The following MME variants were observed in gnomAD, a reference collection of about 807,000 sequenced individuals.
The protein encoded by MME is membrane metalloendopeptidase, also known as neprilysin.
MME carries 98 observed loss-of-function variants against 113.2 expected under a neutral mutation model. The observed-to-expected ratio is 0.87, with a 90% CI of 0.74 to 1.02. MME has a LOEUF of 1.02. Among genes scored for constraint, MME ranks in the 50% least tolerant of loss-of-function variants. The pLI is 0.00. For missense variants in MME, 836 were observed against 896.0 expected, an observed-to-expected ratio of 0.93 and a Z score of 0.86; for synonymous variants, 292 against 300.6, an observed-to-expected ratio of 0.97 and a Z score of 0.30.
At position 155,084,233 on chromosome 3, in the gene MME, G is replaced by C. The variant is rs141402067; in HGVS notation, c.66G>C (p.Gln22His). 43 of 1,613,976 alleles carry C rather than the reference G, an allele frequency of 2.7e-5. No individual in the cohort carries two copies. Among genetic ancestry groups the C allele is most frequent in the Non-Finnish European group, 3.4e-5 (40 of 1,179,984 alleles). ...ACACTCCAAAGCCAAAGAAGAAACA[G>C]CGATGGACTCCACTGGAGATCAGCC... ...DINTPKPKKK[Q>H]RWTPLEISLS... Residue 22 changes from glutamine to histidine, a missense_variant, in exon 2 of 23, where the codon CAG becomes CAC. Gln to His is a conservative substitution (Grantham distance 24). Transcript: ENST00000360490.
chr3:155,073,056 T>C (rs1714632773), intron 1 of MME, among the ~76,000 whole-genome samples: 1 of 152,222 alleles, frequency 6.6e-6, no homozygotes. Flanking sequence ...AATCCATTTT[T>C]ATCACTACCG....
chr3:155,085,317 G>C (rs1715586248), intron 3 of MME: 2 of 383,090 alleles, frequency 5.2e-6, no homozygotes, highest in Admixed American at 8.4e-5. Context: ...GGGCTGTATA[G>C]CAGGGCAATA....
chr3:155,072,685 T>C (rs1714620944), intron 1 of MME, among the ~76,000 whole-genome samples: 1 of 152,194 alleles, frequency 6.6e-6, no homozygotes, highest in African/African-American at 2.4e-5. Flanking sequence ...CAATGGACTT[T>C]TGTATTGTTT....
chr3:155,163,896 A>G (rs1722893725), intron 17 of MME, among the ~76,000 whole-genome samples: 1 of 152,100 alleles, frequency 6.6e-6, no homozygotes, highest in African/African-American at 2.4e-5. Context: ...TAATCCCAGT[A>G]GTTTGGAAAG....
At chr3:155,153,015 C>A (rs1387374726) in intron 16 of MME, among the ~76,000 whole-genome samples, 3 of 151,682 alleles carry the variant, frequency 2.0e-5, no homozygotes, top group Non-Finnish European at 4.4e-5. Context: ...GAGTGGCTGG[C>A]ACCTGCAAAG....
intron 16 of MME, among the ~76,000 whole-genome samples, chr3:155,153,358 C>G (rs950600314): frequency 1.3e-5 from 2 of 152,094 alleles, no homozygotes; most frequent in Non-Finnish European, 2.9e-5. Flanking sequence ...CCAAAATCAT[C>G]TCAAACATTA....
At chr3:155,027,674 G>A (rs879386392) in intron 1 of MME, among the ~76,000 whole-genome samples, 2 of 152,178 alleles carry the variant, frequency 1.3e-5, no homozygotes, top group African/African-American at 2.4e-5. Context: ...TCCCTTAACA[G>A]TAGGCTTAGA....
In MME at chr3:155,080,474, T is replaced by A. The variant is rs1239187626; in HGVS notation, c.-11+8T>A. ...TTCTTTTTAAAAAGCAAGGTTTGTT[T>A]TCATTTTGGTTTCTGTCGGATTTTC... On this transcript the variant is annotated splice_region_variant and intron_variant, in intron 1 of 22. Coordinates refer to ENST00000360490, the MANE Select transcript of MME (RefSeq NM_007289.4). 1 of 152,206 alleles carries A rather than the reference T, an allele frequency of 6.6e-6. No individual in the cohort carries two copies. The highest frequency in any genetic ancestry group is 1.5e-5 in the Non-Finnish European group (1 of 68,046). The allele number at this position is 152,206 out of a possible 1,614,324, so 9.4% of individuals were successfully genotyped here. A position where few individuals can be genotyped will look rare whatever the true frequency, so the allele number is the denominator to read the frequency against.
intron 3 of MME, among the ~76,000 whole-genome samples, chr3:155,107,575 T>C (rs143483719): frequency 4.3e-4 from 66 of 152,302 alleles, no homozygotes; most frequent in African/African-American, 1.5e-3. Context: ...TTCTAGATGC[T>C]TCAAAAAGAC....
At chr3:155,034,234 G>T (rs1395043207) in intron 1 of MME, among the ~76,000 whole-genome samples, 2 of 152,158 alleles carry the variant, frequency 1.3e-5, no homozygotes, top group African/African-American at 4.8e-5. Flanking sequence ...GAGGATTTGG[G>T]TGGGTGTGTT....
intron 3 of MME, among the ~76,000 whole-genome samples, chr3:155,095,155 T>G (rs923534822): frequency 2.6e-5 from 4 of 152,254 alleles, no homozygotes; most frequent in Admixed American, 2.6e-4. Context: ...CACACAAAGT[T>G]TCCATTTCTT....
chr3:155,025,688 TC>T (rs1168677984), intron 1 of MME, among the ~76,000 whole-genome samples: 2 of 145,662 alleles, frequency 1.4e-5, no homozygotes, highest in South Asian at 2.1e-4. Flanking sequence ...TTTCTTTCTT[TC>T]TTTTTTTTTT....
chr3:155,145,266 G>A (rs549461771), intron 14 of MME, among the ~76,000 whole-genome samples: 9 of 152,052 alleles, frequency 5.9e-5, no homozygotes, highest in Non-Finnish European at 1.3e-4. Flanking sequence ...GGTAAAGCCA[G>A]TTGGATTGTT....
chr3:155,113,461 G>T (rs1337247514), intron 3 of MME, among the ~76,000 whole-genome samples: 1 of 152,082 alleles, frequency 6.6e-6, no homozygotes, highest in African/African-American at 2.4e-5. Flanking sequence ...TGTATTTTTA[G>T]TAGAGTTGGT....
chr3:155,158,692 A>G (rs1487597111), intron 16 of MME: 3 of 152,106 alleles, frequency 2.0e-5, no homozygotes, highest in Admixed American at 2.0e-4. Context: ...ATTTTAGTCT[A>G]ATATCCCTGG....
At position 155,148,645 on chromosome 3, in the gene MME, C is replaced by T. The variant is rs199772188; in HGVS notation, c.1593C>T (p.Asp531=). The change falls in exon 16 of 23, where the codon GAC becomes GAT. Residue 531 remains aspartate (D), a synonymous_variant. Coordinates refer to ENST00000360490, the MANE Select transcript of MME (RefSeq NM_007289.4). ...TGAAGAAGCTCCGAGAAAAGGTGGA[C>T]AAAGATGAGTGCGTATATTCTCATT... The part of the protein sequence containing the change: ...KQLKKLREKV[D]KDEWISGAAV... 2 of 1,609,136 alleles carry T rather than the reference C, an allele frequency of 1.2e-6. No homozygotes were observed. Among genetic ancestry groups the T allele is most frequent in the African/African-American group, 2.7e-5 (2 of 74,884 alleles).
intron 8 of MME, among the ~76,000 whole-genome samples, chr3:155,124,364 ATG>A (rs1719412337): frequency 6.6e-6 from 1 of 151,918 alleles, no homozygotes; most frequent in African/African-American, 2.4e-5. Flanking sequence ...TTTGGTTTGA[ATG>A]TCCTCCTGTA....
At chr3:155,153,357 T>C (rs1355795407) in intron 16 of MME, among the ~76,000 whole-genome samples, 1 of 152,172 alleles carries the variant, frequency 6.6e-6, no homozygotes, top group African/African-American at 2.4e-5. Flanking sequence ...TCCAAAATCA[T>C]CTCAAACATT....
At chr3:155,050,206 T>C (rs1559892639) in intron 1 of MME, among the ~76,000 whole-genome samples, 1 of 152,220 alleles carries the variant, frequency 6.6e-6, no homozygotes, top group Non-Finnish European at 1.5e-5. Flanking sequence ...GTTGTATATA[T>C]ACCACATTTT....
Sources: allele counts gnomAD v4.1 joint callset (sites outside exome capture counted in the v4.1 genomes callset), GRCh38; gene constraint gnomAD v4.1.1; transcripts MANE v1.5; gene names NCBI Gene and HGNC (gene_info 2026-07-23, HGNC 2026-07-21).